Variants in NEDD4L observed in about 807,000 individuals in gnomAD.
The protein encoded by NEDD4L is E3 ubiquitin-protein ligase NEDD4-like.
Under a neutral mutation model 148.9 loss-of-function variants are expected in NEDD4L, and 54 were observed. That is an observed-to-expected ratio of 0.36 (90% confidence interval 0.29 to 0.45). The LOEUF is 0.45. NEDD4L is among the 20% of genes least tolerant of loss of function. The probability of loss-of-function intolerance (pLI) is 1.00; values close to 1 mark genes in which losing one functional copy is unlikely to be tolerated. For missense variants in NEDD4L, 856 were observed against 1,233.8 expected, an observed-to-expected ratio of 0.69 and a Z score of 4.59; for synonymous variants, 433 against 440.7, an observed-to-expected ratio of 0.98 and a Z score of 0.22.
chr18:58,201,817 T>G (rs1360629494), intron 2 of NEDD4L, among the ~76,000 whole-genome samples: 1 of 152,188 alleles, frequency 6.6e-6, no homozygotes, highest in Non-Finnish European at 1.5e-5. Context: ...TGAGCCCTGG[T>G]TTTCTTTTTT....
intron 13 of NEDD4L, among the ~76,000 whole-genome samples, chr18:58,337,484 G>A (rs1450915490): frequency 6.6e-6 from 1 of 152,166 alleles, no homozygotes; most frequent in Non-Finnish European, 1.5e-5. Flanking sequence ...CTGGGCTGGA[G>A]CCATCATGGT....
chr18:58,355,122 T>C (rs2044428011), intron 18 of NEDD4L, among the ~76,000 whole-genome samples: 1 of 152,172 alleles, frequency 6.6e-6, no homozygotes, highest in South Asian at 2.1e-4. Context: ...GAAATCGTTA[T>C]TTAGAGAGAT....
rs1212900287 is a variant in NEDD4L, at chr18:58,390,861, C to A, written c.2752+119C>A. On this transcript the variant is annotated intron_variant, in intron 29 of 30. Transcript: ENST00000400345. ...GAAGGCTAAGTTTCAGGACAGTGTG[C>A]CATGCATAGGTTCCATGAAAGTTCA... 2.4e-5 allele frequency: 17 copies of A among 719,840 alleles called. No individual in the cohort carries two copies. In the Admixed American group the frequency reaches 3.0e-4, roughly 13 times the overall value. The allele number at this position is 719,840 out of a possible 1,614,324, so 44.6% of individuals were successfully genotyped here.
intron 5 of NEDD4L, among the ~76,000 whole-genome samples, chr18:58,276,663 A>G (rs994072264): frequency 2.0e-5 from 3 of 148,896 alleles, no homozygotes; most frequent in Non-Finnish European, 3.0e-5. Flanking sequence ...AATGTGTTTT[A>G]CAATTGTGGT....
chr18:58,157,819 C>G (rs946516353), intron 1 of NEDD4L, among the ~76,000 whole-genome samples: 2 of 152,168 alleles, frequency 1.3e-5, no homozygotes, highest in African/African-American at 4.8e-5. Flanking sequence ...AAGAATCACC[C>G]TAATACATAG....
chr18:58,363,378 T>C (rs79858729), intron 19 of NEDD4L, among the ~76,000 whole-genome samples: 4,109 of 152,284 alleles, frequency 0.027, 182 homozygotes, highest in African/African-American at 0.093. Context: ...TACTAGTGGC[T>C]AAAAAGCAAT....
At chr18:58,114,976 T>C (rs1455063931) in intron 1 of NEDD4L, among the ~76,000 whole-genome samples, 1 of 152,222 alleles carries the variant, frequency 6.6e-6, no homozygotes, top group African/African-American at 2.4e-5. Context: ...TCTCCCTATT[T>C]TAAGGTCTGC....
intron 1 of NEDD4L, among the ~76,000 whole-genome samples, chr18:58,123,133 C>G (rs768803010): frequency 6.6e-6 from 1 of 152,186 alleles, no homozygotes; most frequent in Non-Finnish European, 1.5e-5. Flanking sequence ...CTGAATGTTC[C>G]CGCACCTTCT....
At chr18:58,365,759 G>A (rs752908159) in intron 20 of NEDD4L, among the ~76,000 whole-genome samples, 1 of 152,136 alleles carries the variant, frequency 6.6e-6, no homozygotes, top group East Asian at 1.9e-4. Context: ...GTTCTCCTTC[G>A]CAGCAGAGTT....
chr18:58,370,548 T>A, intron 23 of NEDD4L, 81 bp downstream of exon 23: 1 of 892,980 alleles, frequency 1.1e-6, no homozygotes, highest in East Asian at 2.4e-5. Flanking sequence ...ATATTTGTAG[T>A]CTCAGCCACT....
At chr18:58,274,641 A>G (rs2051589968) in intron 5 of NEDD4L, among the ~76,000 whole-genome samples, 1 of 152,250 alleles carries the variant, frequency 6.6e-6, no homozygotes, top group Non-Finnish European at 1.5e-5. Context: ...AAGTTGCAGA[A>G]AGAGAAGAGT....
At chr18:58,313,292 C>T (rs1487136662) in intron 5 of NEDD4L, among the ~76,000 whole-genome samples, 6 of 152,024 alleles carry the variant, frequency 3.9e-5, no homozygotes, top group Admixed American at 2.0e-4. Context: ...CATGAGAAAA[C>T]GTGATAAAAG....
chr18:58,153,254 C>T (rs1169784093), intron 1 of NEDD4L, among the ~76,000 whole-genome samples: 3 of 150,854 alleles, frequency 2.0e-5, no homozygotes, highest in Admixed American at 6.6e-5. Context: ...ACCTACAGTA[C>T]AGCAGAAGCT....
chr18:58,055,638 C>G (rs1490526296), intron 1 of NEDD4L, among the ~76,000 whole-genome samples: 1 of 152,166 alleles, frequency 6.6e-6, no homozygotes, highest in Non-Finnish European at 1.5e-5. Flanking sequence ...GAGCTCACCA[C>G]TACGTTGGGA....
intron 2 of NEDD4L, among the ~76,000 whole-genome samples, chr18:58,193,468 C>T (rs1409020833): frequency 6.6e-6 from 1 of 151,348 alleles, no homozygotes; most frequent in African/African-American, 2.4e-5. Context: ...ATCACAGCTG[C>T]CTGTAAAACC....
At chr18:58,129,980 A>T (rs903611792) in intron 1 of NEDD4L, among the ~76,000 whole-genome samples, 2 of 140,248 alleles carry the variant, frequency 1.4e-5, no homozygotes, top group Non-Finnish European at 3.0e-5. Flanking sequence ...GATCTAGTGG[A>T]ACTGTGGCGG....
In NEDD4L at chr18:58,340,998, A is replaced by T. The variant is rs770571820; in HGVS notation, c.1126-40A>T. The T allele has an allele frequency of 1.1e-5, 18 of 1,579,702 alleles. No homozygotes were observed. The Admixed American group carries it at 3.1e-4, about 27-fold the overall frequency. ...CTTTATTAAACTGATCAGAAAACAAATGCAAGGTATTAAATAATAATGATT... is the reference window on the plus strand; with the variant it reads ...CTTTATTAAACTGATCAGAAAACAATTGCAAGGTATTAAATAATAATGATT... On this transcript the variant is annotated intron_variant, in intron 13 of 30. Transcript: ENST00000400345.
At chr18:58,370,835 C>T (rs952899707) in intron 23 of NEDD4L, among the ~76,000 whole-genome samples, 1 of 152,140 alleles carries the variant, frequency 6.6e-6, no homozygotes, top group Admixed American at 6.6e-5. Context: ...CCCTCTGTTT[C>T]CTGACATCAT....
rs1268444882 is a variant in NEDD4L, at chr18:58,396,245, T to C, written c.2904T>C (p.Ala968=). The change falls in exon 31 of 31, where the codon GCT becomes GCC. Residue 968 remains alanine, a synonymous_variant. Coordinates refer to ENST00000400345, the MANE Select transcript of NEDD4L (RefSeq NM_001144967.3). The stretch of plus-strand genomic sequence containing the variant: ...AACTTCTCATGGCCGTGGAAAATGC[T>C]CAAGGATTTGAAGGGGTGGATTAAG... ...REKLLMAVEN[A]QGFEGVD The C allele has an allele frequency of 2.5e-6, 4 of 1,612,968 alleles. No homozygotes were observed. The highest frequency in any genetic ancestry group is 3.4e-6 in the Non-Finnish European group (4 of 1,179,286).
Sources: allele counts gnomAD v4.1 joint callset (sites outside exome capture counted in the v4.1 genomes callset), GRCh38; gene constraint gnomAD v4.1.1; transcripts MANE v1.5; gene names NCBI Gene and HGNC (gene_info 2026-07-23, HGNC 2026-07-21).